Variants in CDK15 observed in about 807,000 individuals in gnomAD.
CDK15 encodes cyclin dependent kinase 15, also known as cyclin-dependent kinase 15.
In CDK15, 62 loss-of-function variants were observed where a neutral mutation model predicts 60.3. The observed-to-expected ratio is 1.03, with a 90% confidence interval of 0.84 to 1.27. The LOEUF (loss-of-function observed/expected upper bound fraction) is 1.27. Among genes scored for constraint, CDK15 ranks in the 50% most tolerant of loss-of-function variants. The probability of loss-of-function intolerance (pLI) is 0.00; values close to 1 mark genes in which losing one functional copy is unlikely to be tolerated. For synonymous variants in CDK15, 194 were observed against 195.7 expected (o/e 0.99, Z 0.07); for missense variants, 541 against 527.8 (o/e 1.03, Z -0.25).
chr2:201,823,933 T>G (rs977497707), intron 6 of CDK15, among the ~76,000 whole-genome samples: 1 of 152,234 alleles, frequency 6.6e-6, no homozygotes, highest in Non-Finnish European at 1.5e-5. Context: ...GAGTTGCTTC[T>G]TAAGATATGG....
intron 8 of CDK15, among the ~76,000 whole-genome samples, chr2:201,837,447 AAAGGAAGGAAGGAAGGAAGGAAGG>A (rs541662770): frequency 0.011 from 655 of 61,234 alleles, 10 homozygotes; most frequent in African/African-American, 0.033. Flanking sequence ...GGAAGGAAGG[AAAGGAAGGAAGGAAGGAAGGAAGG>A]AAGGAAGGAA....
rs562245939 is a variant in CDK15, at chr2:201,872,403, C to T, written c.1058+77C>T. 9.5e-6 allele frequency: 14 copies of T among 1,471,972 alleles called. No individual in the cohort carries two copies. In the East Asian group the frequency reaches 1.8e-4, roughly 19 times the overall value. 91.2% of individuals were successfully genotyped at this position (1,471,972 alleles called of 1,614,324 possible). On this transcript the variant is annotated intron_variant, in intron 11 of 13. Coordinates refer to ENST00000652192, the MANE Select transcript of CDK15 (RefSeq NM_001366386.2). ...AGAGACATTTCCCTGGATCTCAGTC[C>T]ACTGAACAGCAGCCCCCGAGCACTT...
intron 8 of CDK15, among the ~76,000 whole-genome samples, chr2:201,835,994 ATATATATTTATATT>A (rs1285175288): frequency 1.4e-4 from 1 of 7,196 alleles, no homozygotes; most frequent in Non-Finnish European, 1.2e-3. Flanking sequence ...TTATATATTT[ATATATATTTATATT>A]TTTATATTTT....
rs149717877 is a variant in CDK15 at position 201,822,815 on chromosome 2, T to A, written c.455T>A (p.Leu152His). Residue 152 changes from leucine (L) to histidine (H), a missense_variant, in exon 5 of 14, where the codon CTC becomes CAC. Coordinates refer to ENST00000652192, the MANE Select transcript of CDK15 (RefSeq NM_001366386.2). ...VPFTAIREASLLKGLKHANIV... is the reference protein window; with the variant it reads ...VPFTAIREASHLKGLKHANIV... ...TTTTGTTTAATTTTTCTAGCTTCTC[T>A]CCTGAAGGGTTTGAAACATGCCAAT... The A allele has an allele frequency of 6.2e-7, 1 of 1,601,570 alleles. No individual in the cohort carries two copies. The highest frequency in any genetic ancestry group is 8.6e-7 in the Non-Finnish European group (1 of 1,168,876).
intron 7 of CDK15, among the ~76,000 whole-genome samples, chr2:201,835,299 C>G (rs1696958570): frequency 6.6e-6 from 1 of 152,194 alleles, no homozygotes; most frequent in Non-Finnish European, 1.5e-5. Flanking sequence ...TCCTGCTCAT[C>G]ACAGCCCAGA....
At chr2:201,863,694 G>C (rs931752574) in intron 10 of CDK15, among the ~76,000 whole-genome samples, 1 of 152,144 alleles carries the variant, frequency 6.6e-6, no homozygotes, top group Non-Finnish European at 1.5e-5. Context: ...TCAGGAGTTC[G>C]AGATCAGCCT....
At chr2:201,813,454 G>A (rs1485472801) in intron 4 of CDK15, among the ~76,000 whole-genome samples, 3 of 152,146 alleles carry the variant, frequency 2.0e-5, no homozygotes, top group Admixed American at 6.5e-5. Context: ...CCAGAGAAAT[G>A]GCACTTCCCT....
At chr2:201,868,400 C>T (rs940068778) in intron 10 of CDK15, among the ~76,000 whole-genome samples, 27 of 152,230 alleles carry the variant, frequency 1.8e-4, no homozygotes, top group African/African-American at 6.3e-4. Flanking sequence ...TGTGGGTTCA[C>T]CCGGGTCCTG....
chr2:201,853,534 C>G (rs902580809), intron 9 of CDK15, among the ~76,000 whole-genome samples: 2 of 152,096 alleles, frequency 1.3e-5, no homozygotes, highest in Non-Finnish European at 2.9e-5. Flanking sequence ...TATCTATAAC[C>G]AGCATTTTAC....
intron 4 of CDK15, among the ~76,000 whole-genome samples, chr2:201,818,730 G>A (rs1164782678): frequency 2.0e-5 from 3 of 152,020 alleles, no homozygotes; most frequent in Non-Finnish European, 4.4e-5. Context: ...AGTAGTTCTA[G>A]GGCACCAGAA....
intron 10 of CDK15, among the ~76,000 whole-genome samples, chr2:201,866,710 A>T (rs771379682): frequency 6.6e-6 from 1 of 152,198 alleles, no homozygotes; most frequent in Non-Finnish European, 1.5e-5. Context: ...TCCTCTTGAA[A>T]TGGTGCTGTG....
At chr2:201,854,626 C>T (rs1698062967) in intron 9 of CDK15, 1 of 495,310 alleles carries the variant, frequency 2.0e-6, no homozygotes, top group Admixed American at 3.2e-5. Context: ...TGATCTGCCT[C>T]AGAACAAGTG....
intron 11 of CDK15, among the ~76,000 whole-genome samples, chr2:201,875,427 T>C (rs1410118035): frequency 6.6e-6 from 1 of 152,208 alleles, no homozygotes; most frequent in Non-Finnish European, 1.5e-5. Flanking sequence ...ATGTTGTATA[T>C]ATCCTTCAAC....
At chr2:201,874,384 G>A (rs1343332457) in intron 11 of CDK15, among the ~76,000 whole-genome samples, 1 of 152,090 alleles carries the variant, frequency 6.6e-6, no homozygotes, top group Non-Finnish European at 1.5e-5. Context: ...AACATTGGAT[G>A]GGATATATAC....
intron 12 of CDK15, among the ~76,000 whole-genome samples, chr2:201,886,484 C>A (rs1055479908): frequency 5.9e-5 from 9 of 152,070 alleles, no homozygotes; most frequent in African/African-American, 2.2e-4. Flanking sequence ...TGCCACCACG[C>A]CTGGCTAATT....
chr2:201,832,132 G>A lies in CDK15; in HGVS notation c.607-1716G>A, dbSNP rs1471430233. On this transcript the variant is annotated intron_variant, in intron 6 of 13. Coordinates refer to ENST00000652192, the MANE Select transcript of CDK15 (RefSeq NM_001366386.2). ...ACGATCCTGGCTCACTGCAACCTCT[G>A]CCTTCCAGGTTCAAGCAATTCTCCT... 6.0e-5 allele frequency among the ~76,000 whole-genome samples: 9 copies of A among 151,060 alleles called. 1 individual carries two copies. Among genetic ancestry groups the A allele is most frequent in the Admixed American group, 6.0e-4 (9 of 15,120 alleles).
Position 201,806,674 on chromosome 2 carries a change from G to C in CDK15, c.10G>C (p.Glu4Gln). 1 of 1,594,940 alleles carries C rather than the reference G, an allele frequency of 6.3e-7. No individual in the cohort carries two copies. The highest frequency in any genetic ancestry group is 8.5e-7 in the Non-Finnish European group (1 of 1,178,040). The stretch of plus-strand genomic sequence containing the variant: ...TTGAACCTACAAGATTATGGGTCAA[G>C]AGCTGTGTGCAAAGACTGTACAGCC... MGQ[E>Q]LCAKTVQPGC... is the part of the protein sequence containing the mutation. Residue 4 changes from glutamate to glutamine, a missense_variant, in exon 1 of 14, where the codon GAG becomes CAG. Physicochemically the swap from Glu to Gln is conservative, Grantham distance 29. Coordinates refer to ENST00000652192, the MANE Select transcript of CDK15 (RefSeq NM_001366386.2).
chr2:201,824,561 A>C (rs1696383188), intron 6 of CDK15: 1 of 269,548 alleles, frequency 3.7e-6, no homozygotes, highest in African/African-American at 2.3e-5. Context: ...CCATGGGCTC[A>C]GGCAATTTAT....
intron 6 of CDK15, among the ~76,000 whole-genome samples, chr2:201,825,312 C>CAAAAAAA (rs200857853): frequency 8.1e-5 from 7 of 86,932 alleles, no homozygotes; most frequent in African/African-American, 1.3e-4. Flanking sequence ...GACTCCAACT[C>CAAAAAAA]AAAAAAAAAA....
Sources: allele counts gnomAD v4.1 joint callset (sites outside exome capture counted in the v4.1 genomes callset), GRCh38; gene constraint gnomAD v4.1.1; transcripts MANE v1.5; gene names NCBI Gene and HGNC (gene_info 2026-07-23, HGNC 2026-07-21).